The following AOX1 variants were observed in gnomAD, a reference collection of about 807,000 sequenced individuals.
AOX1 encodes aldehyde oxidase.
Under a neutral mutation model 169.5 loss-of-function variants are expected in AOX1, and 153 were observed. The observed-to-expected ratio is 0.90, with a 90% CI of 0.79 to 1.03. AOX1 has a LOEUF of 1.03. AOX1 is among the 50% of genes least tolerant of loss of function. The pLI is 0.00. For synonymous variants in AOX1, 562 were observed against 581.9 expected (o/e 0.97, Z 0.49); for missense variants, 1,656 against 1,663.9 (o/e 1.00, Z 0.08).
chr2:200,673,430 A>G (rs11691962), downstream of AOX1, among the ~76,000 whole-genome samples: 9,564 of 152,264 alleles, frequency 0.063, 400 homozygotes, highest in Admixed American at 0.11. Flanking sequence ...TTGCGCACAC[A>G]TCTATTCAGG....
chr2:200,641,728 C>T (rs2035355527), intron 24 of AOX1, among the ~76,000 whole-genome samples: 2 of 151,960 alleles, frequency 1.3e-5, no homozygotes, highest in Non-Finnish European at 2.9e-5. Context: ...GAGATGGGTT[C>T]TCACTATGTT....
chr2:200,602,400 T>C, intron 6 of AOX1, 55 bp downstream of exon 6: 1 of 1,512,084 alleles, frequency 6.6e-7, no homozygotes. Flanking sequence ...AACGAAATGG[T>C]AATGGTTGTC....
At chr2:200,635,981 G>T (rs1214956466) in intron 21 of AOX1, among the ~76,000 whole-genome samples, 1 of 152,024 alleles carries the variant, frequency 6.6e-6, no homozygotes, top group Non-Finnish European at 1.5e-5. Flanking sequence ...TCCGTCTCAG[G>T]CTTCCCATCT....
downstream of AOX1, chr2:200,678,320 A>G (rs1038476145): frequency 6.6e-6 from 1 of 152,206 alleles, no homozygotes; most frequent in Non-Finnish European, 1.5e-5. Flanking sequence ...CTTTTATTGA[A>G]CTGTGAATGC....
At position 200,651,131 on chromosome 2, in the gene AOX1, G is replaced by A; in HGVS notation, c.3005G>A (p.Trp1002Ter). ...GAAAAGTTCAATGCAGAGAATTATTGGAAGAAGAAAGGACTGGCCATGGTC... is the reference window on the plus strand; with the variant it reads ...GAAAAGTTCAATGCAGAGAATTATTAGAAGAAGAAAGGACTGGCCATGGTC... ...AVEKFNAENY[W>*]KKKGLAMVPL... The change falls in exon 26 of 35, where the codon TGG becomes TAG. Residue 1002 changes from tryptophan (W) to a stop codon, truncating the protein, a stop_gained. Coordinates refer to ENST00000374700, the MANE Select transcript of AOX1 (RefSeq NM_001159.4). LOFTEE classifies it high-confidence loss of function. 1.2e-6 allele frequency: 2 copies of A among 1,614,148 alleles called. No homozygotes were observed. Among genetic ancestry groups the A allele is most frequent in the Non-Finnish European group, 1.7e-6 (2 of 1,180,008 alleles).
In AOX1 at chr2:200,599,696, T is replaced by A; in HGVS notation, c.386T>A (p.Leu129His). The A allele has an allele frequency of 6.2e-7, 1 of 1,613,014 alleles. No individual in the cohort carries two copies. Among genetic ancestry groups the A allele is most frequent in the Non-Finnish European group, 8.5e-7 (1 of 1,179,342 alleles). The change falls in exon 5 of 35, where the codon CTC becomes CAC. Residue 129 changes from leucine (L) to histidine (H), a missense_variant. Physicochemically the swap from Leu to His is moderately conservative, Grantham distance 99. Coordinates refer to ENST00000374700, the MANE Select transcript of AOX1 (RefSeq NM_001159.4). Reference sequence around the variant, plus strand: ...ATGGTGATGTCCATCTACACGCTGCTCAGGAACCACCCAGAGCCCACTCTG... The same window carrying A: ...ATGGTGATGTCCATCTACACGCTGCACAGGAACCACCCAGAGCCCACTCTG... The part of the protein sequence containing the change: ...PGMVMSIYTL[L>H]RNHPEPTLDQ...
rs201238456 is a variant in AOX1, at chr2:200,613,025, T to A, written c.1448+232T>A. Among the ~76,000 whole-genome samples the A allele has an allele frequency of 1.2e-3, 112 of 95,860 alleles. No individual in the cohort carries two copies. The Middle Eastern group carries it at 0.015, about 13-fold the overall frequency. The allele number at this position is 95,860 out of a possible 152,430, so 62.9% of individuals were successfully genotyped here. A position where few individuals can be genotyped will look rare whatever the true frequency, so the allele number is the denominator to read the frequency against. On this transcript the variant is annotated intron_variant, in intron 14 of 34. Transcript: ENST00000374700. The stretch of plus-strand genomic sequence containing the variant: ...GTGCGTGTGTGTGTGTGTGTGTGTG[T>A]GTGAGAGAGAGAGAGAGAGACAGAC...
intron 22 of AOX1, chr2:200,638,007 T>C (rs1431117135): frequency 2.2e-6 from 1 of 457,022 alleles, no homozygotes; most frequent in Non-Finnish European, 4.1e-6. Flanking sequence ...GTCCCACAAG[T>C]TGCAAATGCC....
intron 26 of AOX1, among the ~76,000 whole-genome samples, chr2:200,653,745 G>T (rs181957125): frequency 1.3e-5 from 2 of 152,340 alleles, no homozygotes; most frequent in African/African-American, 4.8e-5. Flanking sequence ...CAAATTAAAA[G>T]TTTGTGGCAA....
intron 1 of AOX1, among the ~76,000 whole-genome samples, chr2:200,588,725 G>GATTTTTTTTTTTTTTTTT (rs1247445142): frequency 2.4e-5 from 1 of 40,916 alleles, no homozygotes; most frequent in Non-Finnish European, 6.6e-5. Flanking sequence ...ACTAGAATAA[G>GATTTTTTTTTTTTTTTTT]CTTTTTTTTT....
chr2:200,677,077 C>T (rs2036110101), downstream of AOX1: 2 of 372,338 alleles, frequency 5.4e-6, no homozygotes, highest in Admixed American at 3.8e-5. Context: ...ATGATAGAAG[C>T]AATCTTTTAT....
At chr2:200,672,013 G>C (rs2036036553), downstream of AOX1, among the ~76,000 whole-genome samples, 1 of 152,102 alleles carries the variant, frequency 6.6e-6, no homozygotes, top group Non-Finnish European at 1.5e-5. Context: ...GATGAACCTT[G>C]AAAACATTGT....
chr2:200,611,627 T>C lies in AOX1; in HGVS notation c.1263+134T>C, dbSNP rs1462507468. The stretch of plus-strand genomic sequence containing the variant: ...AAAGGCTCAACTTCAGGAAGTGGTA[T>C]GAGGTCATTATTTTAAGACTTGTGA... On this transcript the variant is annotated intron_variant, in intron 13 of 34. Coordinates refer to ENST00000374700, the MANE Select transcript of AOX1 (RefSeq NM_001159.4). 3.3e-5 allele frequency: 21 copies of C among 640,262 alleles called. No homozygotes were observed. In the Admixed American group the frequency reaches 5.3e-4, roughly 16 times the overall value. 39.7% of individuals were successfully genotyped at this position (640,262 alleles called of 1,614,324 possible). A position where few individuals can be genotyped will look rare whatever the true frequency, so the allele number is the denominator to read the frequency against.
At chr2:200,602,199 A>G (rs960907753) in intron 5 of AOX1, 85 bp from the exon 6 acceptor site, 2 of 1,075,382 alleles carry the variant, frequency 1.9e-6, no homozygotes, top group Non-Finnish European at 2.8e-6. Flanking sequence ...CCTCTATGAT[A>G]GGGTCCTCAT....
At chr2:200,637,729 C>G (rs1574942575) in intron 22 of AOX1, among the ~76,000 whole-genome samples, 1 of 152,030 alleles carries the variant, frequency 6.6e-6, no homozygotes, top group African/African-American at 2.4e-5. Context: ...TCAAAAAATT[C>G]TCATGTAAAA....
intron 19 of AOX1, among the ~76,000 whole-genome samples, chr2:200,625,474 A>G (rs368633495): frequency 3.1e-4 from 47 of 152,320 alleles, no homozygotes; most frequent in African/African-American, 1.1e-3. Flanking sequence ...TGTCTGCCAG[A>G]GAATCCCAGC....
intron 28 of AOX1, 61 bp from the exon 29 acceptor site, chr2:200,659,934 T>G (rs1389507229): frequency 7.6e-7 from 1 of 1,320,682 alleles, no homozygotes. Flanking sequence ...TATTATGTTG[T>G]TTTGAATTTG....
intron 26 of AOX1, among the ~76,000 whole-genome samples, chr2:200,655,724 G>A (rs1392070549): frequency 6.6e-6 from 1 of 152,184 alleles, no homozygotes; most frequent in East Asian, 1.9e-4. Context: ...CGGGGGTAAT[G>A]TGAACCTTTG....
At chr2:200,663,116 A>G (rs2035859910) in intron 31 of AOX1, 147 bp downstream of exon 31, 1 of 620,594 alleles carries the variant, frequency 1.6e-6, no homozygotes, top group African/African-American at 1.8e-5. Flanking sequence ...AAGAAAATAG[A>G]ATCCCCACAA....
Sources: gnomAD v4.1 joint callset for allele counts (sites outside exome capture counted in the v4.1 genomes callset) on GRCh38, gnomAD v4.1.1 for gene constraint, MANE v1.5 for transcripts, NCBI Gene and HGNC (gene_info 2026-07-23, HGNC 2026-07-21) for gene names.